Variants in CDC45 observed in about 807,000 individuals in gnomAD.
CDC45 encodes the protein cell division control protein 45 homolog.
A neutral mutation model predicts 77.8 loss-of-function variants in CDC45; 54 were observed. That is an observed-to-expected ratio of 0.69 (90% CI 0.56 to 0.87). The LOEUF is 0.87. Among genes scored for constraint, CDC45 ranks in the 40% least tolerant of loss-of-function variants. The pLI is 0.00. For synonymous variants in CDC45, 260 were observed against 272.1 expected (o/e 0.96, Z 0.44); for missense variants, 649 against 721.6 (o/e 0.90, Z 1.15).
intron 18 of CDC45, 88 bp downstream of exon 18, chr22:19,518,997 G>C (rs551829638): frequency 8.9e-6 from 9 of 1,007,182 alleles, no homozygotes; most frequent in African/African-American, 1.6e-5. Context: ...CTCAACGGAG[G>C]CTTCTACTTG....
rs551692203 is a variant in CDC45, at chr22:19,520,183, G to A, written c.*2-298G>A. Reference sequence around the variant, plus strand: ...GGAGGGCTGAGCAGCAGAGTGCCGAGGGATGGAGGGAGAGCCCCCATGGGA... The same window carrying A: ...GGAGGGCTGAGCAGCAGAGTGCCGAAGGATGGAGGGAGAGCCCCCATGGGA... On this transcript the variant is annotated intron_variant, in intron 18 of 18. Transcript: ENST00000263201. The surrounding 1 kb of genome is among the most constrained non-coding windows in gnomAD (Gnocchi z 4.5). Among the ~76,000 whole-genome samples, 2 of 152,292 alleles carry A rather than the reference G, an allele frequency of 1.3e-5. No homozygotes were observed. The highest frequency in any genetic ancestry group is 1.5e-5 in the Non-Finnish European group (1 of 68,014).
intron 15 of CDC45, among the ~76,000 whole-genome samples, chr22:19,515,676 A>G (rs886863037): frequency 6.6e-6 from 1 of 152,232 alleles, no homozygotes; most frequent in African/African-American, 2.4e-5. Flanking sequence ...CATGTGTTCT[A>G]TCAACCAGGT....
intron 3 of CDC45, among the ~76,000 whole-genome samples, chr22:19,481,816 T>G (rs1286319813): frequency 2.0e-5 from 3 of 152,054 alleles, no homozygotes; most frequent in Non-Finnish European, 4.4e-5. Context: ...GGATTACAAG[T>G]GCCCACCACC....
At chr22:19,514,364 A>G (rs1933666396) in intron 13 of CDC45, among the ~76,000 whole-genome samples, 1 of 152,180 alleles carries the variant, frequency 6.6e-6, no homozygotes, top group Admixed American at 6.5e-5. Flanking sequence ...TCATATACTC[A>G]GAGGGGAGCC....
At chr22:19,508,767 G>T in intron 13 of CDC45, 76 bp downstream of exon 13, 2 of 1,434,602 alleles carry the variant, frequency 1.4e-6, no homozygotes, top group Admixed American at 1.9e-5. Flanking sequence ...CAGTTACGGG[G>T]ACCCCAGGGC....
chr22:19,482,539 A>G, intron 3 of CDC45, 151 bp from the exon 4 acceptor site: 1 of 736,796 alleles, frequency 1.4e-6, no homozygotes, highest in South Asian at 2.0e-5. Context: ...TTAGCATGCC[A>G]GCCTGGCCAT....
chr22:19,508,887 C>T (rs1474971413), intron 13 of CDC45, among the ~76,000 whole-genome samples, 196 bp downstream of exon 13: 1 of 152,194 alleles, frequency 6.6e-6, no homozygotes, highest in South Asian at 2.1e-4. Flanking sequence ...TTGTCACTTT[C>T]TCTTGAATCT....
intron 8 of CDC45, among the ~76,000 whole-genome samples, chr22:19,498,884 TG>T (rs1364668442): frequency 2.0e-5 from 3 of 152,202 alleles, no homozygotes; most frequent in African/African-American, 7.2e-5. Flanking sequence ...GCTCCCACAG[TG>T]GCAGACACTG....
At chr22:19,485,420 A>G (rs2090051422) in intron 5 of CDC45, among the ~76,000 whole-genome samples, 2 of 152,202 alleles carry the variant, frequency 1.3e-5, no homozygotes, top group African/African-American at 4.8e-5. Context: ...GGTATCAAAC[A>G]TGAGTTAGCA....
intron 3 of CDC45, among the ~76,000 whole-genome samples, chr22:19,481,418 G>A (rs1352773130): frequency 6.6e-6 from 1 of 151,356 alleles, no homozygotes; most frequent in Non-Finnish European, 1.5e-5. Flanking sequence ...TCGCTGTGTC[G>A]CCCAGGCTGG....
At chr22:19,484,038 G>A (rs368338235) in intron 5 of CDC45, 33 bp downstream of exon 5, 1 of 1,568,838 alleles carries the variant, frequency 6.4e-7, no homozygotes, top group Non-Finnish European at 8.6e-7. Context: ...TATCCCAGAG[G>A]AACTTGCACT....
At chr22:19,514,351 A>G (rs1018264752) in intron 13 of CDC45, among the ~76,000 whole-genome samples, 1 of 152,130 alleles carries the variant, frequency 6.6e-6, no homozygotes, top group African/African-American at 2.4e-5. Context: ...CAGATGGTAC[A>G]TTTCATATAC....
chr22:19,514,780 G>C lies in CDC45; in HGVS notation c.1249G>C (p.Glu417Gln), dbSNP rs764063091. 6 of 1,613,554 alleles carry C rather than the reference G, an allele frequency of 3.7e-6. No individual in the cohort carries two copies. The African/African-American group carries it at 8.0e-5, about 22-fold the overall frequency. Residue 417 changes from glutamate to glutamine, a missense_variant, in exon 14 of 19, where the codon GAA becomes CAA. Transcript: ENST00000263201. ...CCTGGACAAGCTGTACCATGGCCTG[G>C]AACTCGCCAAGAAGCAGCTGCGAGC... The part of the protein sequence containing the change: ...SNLDKLYHGL[E>Q]LAKKQLRATQ...
chr22:19,493,942 G>C (rs887952573), intron 5 of CDC45, among the ~76,000 whole-genome samples: 5 of 152,208 alleles, frequency 3.3e-5, no homozygotes, highest in African/African-American at 1.2e-4. Flanking sequence ...ACGCATGGTA[G>C]AATATAAGAA....
rs146559223 is a variant in CDC45, at chr22:19,507,454, C to A, written c.893C>A (p.Ala298Asp). 3.7e-6 allele frequency: 6 copies of A among 1,614,084 alleles called. No homozygotes were observed. The highest frequency in any genetic ancestry group is 5.1e-6 in the Non-Finnish European group (6 of 1,180,048). ...DSLCNTSYTA[A>D]RFKLWSVHGQ... ...CTGTGCAACACCAGCTATACCGCAG[C>A]CAGGTTCAAGCTGTGGTCTGTGCAT... Residue 298 changes from alanine to aspartate, a missense_variant, in exon 11 of 19, where the codon GCC becomes GAC. Transcript: ENST00000263201.
chr22:19,516,106 G>A (rs908454745), intron 15 of CDC45, among the ~76,000 whole-genome samples: 1 of 152,160 alleles, frequency 6.6e-6, no homozygotes, highest in African/African-American at 2.4e-5. Flanking sequence ...GGGATGTGCT[G>A]CCAGGGGATG....
chr22:19,495,814 C>T (rs563813747), intron 6 of CDC45, among the ~76,000 whole-genome samples, 167 bp from the exon 7 acceptor site: 25 of 152,072 alleles, frequency 1.6e-4, no homozygotes, highest in Admixed American at 3.3e-4. Flanking sequence ...ATAGCAAGAA[C>T]CTGTCTCAAC....
At chr22:19,502,925 G>T (rs1932955962) in intron 9 of CDC45, among the ~76,000 whole-genome samples, 1 of 152,116 alleles carries the variant, frequency 6.6e-6, no homozygotes, top group African/African-American at 2.4e-5. Flanking sequence ...GATGGCTCAT[G>T]CCTGTAATCC....
chr22:19,494,484 T>G (rs1568920762), intron 6 of CDC45, 102 bp downstream of exon 6: 4 of 1,563,844 alleles, frequency 2.6e-6, no homozygotes, highest in Non-Finnish European at 3.5e-6. Flanking sequence ...GATAATTTAT[T>G]GAGTTTAGAA....
Sources: gnomAD v4.1 joint callset for allele counts (sites outside exome capture counted in the v4.1 genomes callset) on GRCh38, gnomAD v4.1.1 for gene constraint, Gnocchi (gnomAD v3.1) non-coding constraint, MANE v1.5 for transcripts, NCBI Gene and HGNC (gene_info 2026-07-23, HGNC 2026-07-21) for gene names.